Variants in AGBL4 observed in about 807,000 individuals in gnomAD.
AGBL4 encodes the protein cytosolic carboxypeptidase 6.
Under a neutral mutation model 66.4 loss-of-function variants are expected in AGBL4, and 58 were observed. That is an observed-to-expected ratio of 0.87 (90% confidence interval 0.71 to 1.09). The LOEUF is 1.09. Among genes scored for constraint, AGBL4 ranks in the 50% least tolerant of loss-of-function variants. The pLI is 0.00. For missense variants in AGBL4, 579 were observed against 631.0 expected (o/e 0.92, Z 0.88); for synonymous variants, 234 against 222.9 (o/e 1.05, Z -0.44).
chr1:48,527,732 G>C, the AGBL4 span, among the ~76,000 whole-genome samples: 1 of 152,086 alleles, frequency 6.6e-6, no homozygotes, highest in African/African-American at 2.4e-5. Context: ...TGAATGATGA[G>C]AAGGATTTTC....
chr1:49,045,568 CTGG>C lies in AGBL4; in HGVS notation c.594+13_594+15del. The C allele has an allele frequency of 6.3e-7, 1 of 1,599,874 alleles. No homozygotes were observed. The highest frequency in any genetic ancestry group is 8.5e-7 in the Non-Finnish European group (1 of 1,172,472). ...CTGTTTCCAAATGAGTAACCCAAAC[CTGG>C]CACAGGCCTTACCACACTCTGGCCC... On this transcript the variant is annotated intron_variant, in intron 5 of 13. Transcript: ENST00000371839.
intron 11 of AGBL4, among the ~76,000 whole-genome samples, chr1:48,567,622 T>C (rs571921289): frequency 6.6e-6 from 1 of 152,268 alleles, no homozygotes; most frequent in South Asian, 2.1e-4. Flanking sequence ...GACAGTATAT[T>C]ACGAATGCAA....
At chr1:49,018,747 C>G (rs1213501413) in intron 5 of AGBL4, among the ~76,000 whole-genome samples, 1 of 152,136 alleles carries the variant, frequency 6.6e-6, no homozygotes, top group Non-Finnish European at 1.5e-5. Flanking sequence ...CTACAACATT[C>G]AACTAATCAC....
intron 6 of AGBL4, among the ~76,000 whole-genome samples, chr1:48,827,827 T>G (rs1179310761): frequency 3.9e-5 from 6 of 152,028 alleles, no homozygotes; most frequent in African/African-American, 1.5e-4. Flanking sequence ...GAAAACAGGC[T>G]GGGGACTAGC....
chr1:48,914,646 C>T (rs1570989621), intron 5 of AGBL4, among the ~76,000 whole-genome samples: 1 of 152,172 alleles, frequency 6.6e-6, no homozygotes, highest in East Asian at 1.9e-4. Flanking sequence ...TTCATTCTCT[C>T]ATGTCCTAGA....
At chr1:49,555,065 C>T (rs1235411870) in intron 3 of AGBL4, among the ~76,000 whole-genome samples, 2 of 152,216 alleles carry the variant, frequency 1.3e-5, no homozygotes, top group African/African-American at 4.8e-5. Flanking sequence ...TGGGTTGCCA[C>T]TGCTGGCTCT....
At chr1:49,381,335 G>T (rs1381957563) in intron 3 of AGBL4, among the ~76,000 whole-genome samples, 1 of 152,180 alleles carries the variant, frequency 6.6e-6, no homozygotes, top group East Asian at 1.9e-4. Context: ...TCACTAAAAA[G>T]TCAGGAAACA....
chr1:49,923,633 C>A, intron 1 of AGBL4, among the ~76,000 whole-genome samples: 1 of 151,452 alleles, frequency 6.6e-6, no homozygotes, highest in African/African-American at 2.4e-5. Context: ...ACAAAATAAC[C>A]CCATTAAAAA....
intron 5 of AGBL4, among the ~76,000 whole-genome samples, chr1:49,023,126 T>C (rs1177276536): frequency 6.6e-6 from 1 of 152,178 alleles, no homozygotes; most frequent in African/African-American, 2.4e-5. Context: ...CTCTGCCTAC[T>C]TACCTGGTCA....
chr1:48,677,786 C>T (rs1396961161), intron 6 of AGBL4, among the ~76,000 whole-genome samples: 2 of 152,200 alleles, frequency 1.3e-5, no homozygotes, highest in Admixed American at 1.3e-4. Flanking sequence ...ACAGTGCAAG[C>T]CAGACACACA....
chr1:48,834,392 C>T (rs190510138), intron 6 of AGBL4, among the ~76,000 whole-genome samples: 22 of 151,968 alleles, frequency 1.4e-4, no homozygotes, highest in South Asian at 1.2e-3. Context: ...GGGCCAGGGG[C>T]GGAATATTGT....
At chr1:49,080,546 A>G (rs1644791223) in intron 4 of AGBL4, among the ~76,000 whole-genome samples, 1 of 152,156 alleles carries the variant, frequency 6.6e-6, no homozygotes, top group Non-Finnish European at 1.5e-5. Flanking sequence ...CTGAAATCAC[A>G]GGTCAAGGCA....
chr1:48,634,578 T>A lies in AGBL4; in HGVS notation c.866A>T (p.Asn289Ile). The A allele has an allele frequency of 6.2e-7, 1 of 1,604,118 alleles. No individual in the cohort carries two copies. The highest frequency in any genetic ancestry group is 1.1e-5 in the South Asian group (1 of 88,670). Residue 289 changes from asparagine to isoleucine, a missense_variant, in exon 9 of 14, where the codon AAT becomes ATT. Coordinates refer to ENST00000371839, the MANE Select transcript of AGBL4 (RefSeq NM_032785.4). ...YRCSLMGFDL[N>I]RHWLDPSPWV... ...TGGAGAGGGATCCAGCCAGTGACGA[T>A]TCAGATCAAATCCCATCAGAGAACA...
At chr1:49,739,973 G>T (rs1490238914) in intron 2 of AGBL4, among the ~76,000 whole-genome samples, 1 of 152,108 alleles carries the variant, frequency 6.6e-6, no homozygotes, top group Non-Finnish European at 1.5e-5. Context: ...GACCATTGAG[G>T]CTAGGAAGAA....
intron 2 of AGBL4, among the ~76,000 whole-genome samples, chr1:49,707,655 C>T (rs1019132173): frequency 3.9e-5 from 6 of 152,028 alleles, no homozygotes; most frequent in African/African-American, 1.4e-4. Flanking sequence ...TGTCGATGGT[C>T]TCTACATTTT....
At chr1:49,426,405 T>G (rs1645660068) in intron 3 of AGBL4, among the ~76,000 whole-genome samples, 1 of 152,230 alleles carries the variant, frequency 6.6e-6, no homozygotes, top group African/African-American at 2.4e-5. Flanking sequence ...TTCTGGCCCT[T>G]TCTCCATTTA....
chr1:48,548,657 T>G (rs180842019), intron 11 of AGBL4, among the ~76,000 whole-genome samples: 1 of 152,104 alleles, frequency 6.6e-6, no homozygotes, highest in Non-Finnish European at 1.5e-5. Context: ...TACTTCTCAC[T>G]CCCTGCAGCT....
intron 3 of AGBL4, among the ~76,000 whole-genome samples, chr1:49,311,259 C>T (rs1644936544): frequency 6.6e-6 from 1 of 152,008 alleles, no homozygotes. Context: ...TACCATGCCA[C>T]AGAGGTAGAG....
In AGBL4 at chr1:49,379,464, CA is replaced by C. The variant is rs367550057; in HGVS notation, c.283-133601del. 3.4e-4 allele frequency among the ~76,000 whole-genome samples: 52 copies of C among 152,292 alleles called. 1 individual carries two copies. In the South Asian group the frequency reaches 9.7e-3, roughly 29 times the overall value. On this transcript the variant is annotated intron_variant, in intron 3 of 13. Transcript: ENST00000371839. Reference sequence around the variant, plus strand: ...GCTGCATCTTTCTTCGACATCAGCACATACCCATTTTAAAATACAGCTCCCC... The same window carrying C: ...GCTGCATCTTTCTTCGACATCAGCACTACCCATTTTAAAATACAGCTCCCC...
Sources: allele counts gnomAD v4.1 joint callset (sites outside exome capture counted in the v4.1 genomes callset), GRCh38; gene constraint gnomAD v4.1.1; transcripts MANE v1.5; gene names NCBI Gene and HGNC (gene_info 2026-07-23, HGNC 2026-07-21).